The following FGFR2 variants were observed in gnomAD, a reference collection of about 807,000 sequenced individuals.
The protein encoded by FGFR2 is fibroblast growth factor receptor 2.
FGFR2 carries 19 observed loss-of-function variants against 95.9 expected under a neutral mutation model. The ratio of observed to expected loss-of-function variants is 0.20; its 90% confidence interval spans 0.14 to 0.29. The LOEUF is 0.29. Among genes scored for constraint, FGFR2 ranks in the 10% least tolerant of loss-of-function variants. FGFR2 has a pLI of 1.00. For missense variants in FGFR2, 707 were observed against 1,056.9 expected, an observed-to-expected ratio of 0.67 and a Z score of 4.59; for synonymous variants, 392 against 393.3, an observed-to-expected ratio of 1.00 and a Z score of 0.04.
At chr10:121,545,582 C>T (rs1854381542) in intron 5 of FGFR2, among the ~76,000 whole-genome samples, 1 of 152,060 alleles carries the variant, frequency 6.6e-6, no homozygotes, top group African/African-American at 2.4e-5. Context: ...TCAAAGACTG[C>T]TTGATGTGGG....
In FGFR2 at chr10:121,575,841, C is replaced by T. The variant is rs532935414; in HGVS notation, c.110-10137G>A. 6.9e-5 allele frequency among the ~76,000 whole-genome samples: 10 copies of T among 145,410 alleles called. No homozygotes were observed. The East Asian group carries it at 1.9e-3, about 27-fold the overall frequency. ...ACTGCACTCCAGCCGGGTGACAGAG[C>T]GAGACTTCATCTCAAAAAAATAAAT... On this transcript the variant is annotated intron_variant, in intron 2 of 17. Coordinates refer to ENST00000358487, the MANE Select transcript of FGFR2 (RefSeq NM_000141.5).
At chr10:121,504,049 G>A in intron 9 of FGFR2, 108 bp from the exon 10 acceptor site, 1 of 1,371,136 alleles carries the variant, frequency 7.3e-7, no homozygotes, top group Non-Finnish European at 1.0e-6. Context: ...GAATGGGTTG[G>A]GGGCTGGCAG....
Position 121,565,375 on chromosome 10 carries a change from C to T in FGFR2, c.376+63G>A, listed in dbSNP as rs3135734. On this transcript the variant is annotated intron_variant, in intron 3 of 17. Coordinates refer to ENST00000358487, the MANE Select transcript of FGFR2 (RefSeq NM_000141.5). The stretch of plus-strand genomic sequence containing the variant: ...AATTAGAGATCTCACTACCTTTTCA[C>T]TTGGCCAAAAAAATGTAATGGCTAC... The T allele has an allele frequency of 3.8e-3, 6,158 of 1,607,046 alleles. 199 individuals carry two copies. The African/African-American group carries it at 0.071, about 19-fold the overall frequency.
rs759944461 is a variant in FGFR2, at chr10:121,518,028, A to G, written c.940-565T>C. The G allele has an allele frequency of 4.0e-6, 2 of 495,098 alleles. No individual in the cohort carries two copies. Among genetic ancestry groups the G allele is most frequent in the Admixed American group, 2.3e-5 (1 of 44,152 alleles). The allele number at this position is 495,098 out of a possible 1,614,324, so 30.7% of individuals were successfully genotyped here. Reference sequence around the variant, plus strand: ...TGCCCTACATAGCATTGACAAAAAGAAATGGAAGCAAGCATCATCTTGGTA... The same window carrying G: ...TGCCCTACATAGCATTGACAAAAAGGAATGGAAGCAAGCATCATCTTGGTA... On this transcript the variant is annotated intron_variant, in intron 7 of 17. Transcript: ENST00000358487. This position sits in a 1 kb window ranked among gnomAD's most constrained non-coding sequence, Gnocchi z 4.0.
At chr10:121,498,233 G>A (rs1847133764) in intron 12 of FGFR2, among the ~76,000 whole-genome samples, 1 of 152,132 alleles carries the variant, frequency 6.6e-6, no homozygotes, top group Non-Finnish European at 1.5e-5. Flanking sequence ...CCCCCTCCAG[G>A]TTATGACCTA....
intron 2 of FGFR2, among the ~76,000 whole-genome samples, chr10:121,571,362 G>GAT (rs1858693458): frequency 1.5e-5 from 2 of 135,852 alleles, no homozygotes; most frequent in South Asian, 4.7e-4. Flanking sequence ...GCAGTGGTGC[G>GAT]ATCTCGGCTC....
At chr10:121,575,626 G>A (rs1203032617) in intron 2 of FGFR2, among the ~76,000 whole-genome samples, 1 of 152,010 alleles carries the variant, frequency 6.6e-6, no homozygotes, top group Admixed American at 6.6e-5. Flanking sequence ...AGGCCGAGGC[G>A]GGTGGATCAC....
At chr10:121,577,176 T>TAGAGAGAGAGAG (rs1278087472) in intron 2 of FGFR2, among the ~76,000 whole-genome samples, 248 of 7,478 alleles carry the variant, frequency 0.033, 1 homozygote, top group Non-Finnish European at 0.043. Context: ...TATATATATA[T>TAGAGAGAGAGAG]ATAGAGAGAG....
intron 2 of FGFR2, among the ~76,000 whole-genome samples, chr10:121,569,625 T>C (rs1262922470): frequency 1.3e-5 from 2 of 152,162 alleles, no homozygotes; most frequent in African/African-American, 4.8e-5. Context: ...TTGATCCCAG[T>C]AAAACCAGAT....
Position 121,478,577 on chromosome 10 carries a change from A to G in FGFR2, c.*1280T>C, listed in dbSNP as rs1225402042. On this transcript the variant is annotated 3_prime_UTR_variant, in exon 18 of 18. Transcript: ENST00000358487. ...CGGCGATATTTTGTCTGATGTAGGT[A>G]TGAGGCTGGATCTTTTGGTGAGGTC... 2.6e-5 allele frequency: 6 copies of G among 233,202 alleles called. No homozygotes were observed. The highest frequency in any genetic ancestry group is 5.6e-5 in the Admixed American group (1 of 17,764). 14.4% of individuals were successfully genotyped at this position (233,202 alleles called of 1,614,324 possible).
intron 9 of FGFR2, among the ~76,000 whole-genome samples, chr10:121,504,817 G>A (rs1293537382): frequency 1.4e-5 from 1 of 71,698 alleles, no homozygotes; most frequent in Non-Finnish European, 3.6e-5. Flanking sequence ...CTGTCCTTTG[G>A]CTGGTTTCTA....
Position 121,518,697 on chromosome 10 carries a change from G to T in FGFR2, c.940-1234C>A, listed in dbSNP as rs1467054341. 6.2e-7 allele frequency: 1 copy of T among 1,614,180 alleles called. No homozygotes were observed. Among genetic ancestry groups the T allele is most frequent in the South Asian group, 1.1e-5 (1 of 91,084 alleles). ...GCATTGTTACCTTGCTGTTTTGGCA[G>T]GACAGTGAGCCAGGCAGACTGGTTG... is the stretch of plus-strand genomic sequence containing the variant. On this transcript the variant is annotated intron_variant, in intron 7 of 17. Coordinates refer to ENST00000358487, the MANE Select transcript of FGFR2 (RefSeq NM_000141.5). The surrounding 1 kb of genome is among the most constrained non-coding windows in gnomAD (Gnocchi z 4.0).
intron 9 of FGFR2, among the ~76,000 whole-genome samples, chr10:121,510,351 G>A (rs1321370759): frequency 1.3e-5 from 2 of 152,182 alleles, no homozygotes; most frequent in Non-Finnish European, 2.9e-5. Flanking sequence ...CATGTCCTTT[G>A]GAGGCTGAGA....
chr10:121,479,831 G>C lies in FGFR2; in HGVS notation c.*26C>G, dbSNP rs1844439963. The C allele has an allele frequency of 6.2e-7, 1 of 1,614,062 alleles. No homozygotes were observed. Among genetic ancestry groups the C allele is most frequent in the East Asian group, 2.2e-5 (1 of 44,878 alleles). Reference sequence around the variant, plus strand: ...GTAGCTAGGTTCCCAGTGCTGTCCTGTTTGGGGACAGGCAGACACAGTCAT... The same window carrying C: ...GTAGCTAGGTTCCCAGTGCTGTCCTCTTTGGGGACAGGCAGACACAGTCAT... On this transcript the variant is annotated 3_prime_UTR_variant, in exon 18 of 18. Coordinates refer to ENST00000358487, the MANE Select transcript of FGFR2 (RefSeq NM_000141.5).
intron 15 of FGFR2, among the ~76,000 whole-genome samples, chr10:121,486,474 G>A (rs544898251): frequency 2.6e-4 from 39 of 152,148 alleles, no homozygotes; most frequent in African/African-American, 8.4e-4. Flanking sequence ...ACAGAGTCTC[G>A]CTCTGTTGCC....
At chr10:121,565,778 A>T (rs2135128145) in intron 2 of FGFR2, 74 bp from the exon 3 acceptor site, 1 of 1,569,682 alleles carries the variant, frequency 6.4e-7, no homozygotes, top group Non-Finnish European at 8.8e-7. Context: ...AACAAAGGTC[A>T]GTGGAGGCCT....
At chr10:121,541,411 T>TAA (rs1255774416) in intron 5 of FGFR2, among the ~76,000 whole-genome samples, 1 of 152,186 alleles carries the variant, frequency 6.6e-6, no homozygotes, top group Non-Finnish European at 1.5e-5. Flanking sequence ...GAAACTACAA[T>TAA]AGTTAACTTT....
intron 17 of FGFR2, among the ~76,000 whole-genome samples, chr10:121,482,342 A>T (rs1844869231): frequency 6.6e-6 from 1 of 152,188 alleles, no homozygotes; most frequent in African/African-American, 2.4e-5. Context: ...ATTTAAGTGC[A>T]ATCTCTTCCT....
chr10:121,495,611 C>A (rs1049138609), intron 13 of FGFR2, among the ~76,000 whole-genome samples: 6 of 152,220 alleles, frequency 3.9e-5, no homozygotes, highest in African/African-American at 1.2e-4. Flanking sequence ...TCTCTGCACT[C>A]TGAGTGATCC....
Sources: gnomAD v4.1 joint callset for allele counts (sites outside exome capture counted in the v4.1 genomes callset) on GRCh38, gnomAD v4.1.1 for gene constraint, Gnocchi (gnomAD v3.1) non-coding constraint, MANE v1.5 for transcripts, NCBI Gene and HGNC (gene_info 2026-07-23, HGNC 2026-07-21) for gene names.